Variants in SLC25A28 observed in about 807,000 individuals in gnomAD.
SLC25A28 encodes the protein solute carrier family 25 member 28, also known as mitoferrin-2.
A neutral mutation model predicts 31.9 loss-of-function variants in SLC25A28; 10 were observed. The ratio of observed to expected loss-of-function variants is 0.31; its 90% CI spans 0.19 to 0.53. The LOEUF (loss-of-function observed/expected upper bound fraction) is 0.53, where lower values mean the gene tolerates loss of function less well. Among genes scored for constraint, SLC25A28 ranks in the 20% least tolerant of loss-of-function variants. The probability of loss-of-function intolerance (pLI) is 0.95; values close to 1 mark genes in which losing one functional copy is unlikely to be tolerated. For missense variants in SLC25A28, 256 were observed against 490.3 expected (o/e 0.52, Z 4.51); for synonymous variants, 208 against 203.6 (o/e 1.02, Z -0.19).
At chr10:99,616,446 C>G (rs1444869558) in intron 1 of SLC25A28, 1 of 977,348 alleles carries the variant, frequency 1.0e-6, no homozygotes. Flanking sequence ...TTATTGTATT[C>G]AAAATGATTC....
chr10:99,629,610 A>G, the SLC25A28 span, among the ~76,000 whole-genome samples: 1 of 152,280 alleles, frequency 6.6e-6, no homozygotes, highest in African/African-American at 2.4e-5. Flanking sequence ...AAGAACTGAT[A>G]CATGCTATAA....
intron 1 of SLC25A28, chr10:99,618,711 A>G: frequency 1.0e-6 from 1 of 985,376 alleles, no homozygotes; most frequent in Non-Finnish European, 1.2e-6. Flanking sequence ...CCTTGTTAGG[A>G]GTTACCTTGT....
chr10:99,630,061 CTTCTTTCCT>C, the SLC25A28 span, among the ~76,000 whole-genome samples: 5 of 152,122 alleles, frequency 3.3e-5, no homozygotes, highest in Non-Finnish European at 5.9e-5. Context: ...GTTTCTTCCA[CTTCTTTCCT>C]TTCTTTCCTT....
At chr10:99,636,935 T>A in the SLC25A28 span, among the ~76,000 whole-genome samples, 1 of 152,296 alleles carries the variant, frequency 6.6e-6, no homozygotes, top group Non-Finnish European at 1.5e-5. Flanking sequence ...CCCTAATTCA[T>A]TCTATGAAGC....
chr10:99,619,689 C>A (rs1828371834), intron 1 of SLC25A28, among the ~76,000 whole-genome samples: 1 of 152,240 alleles, frequency 6.6e-6, no homozygotes, highest in Non-Finnish European at 1.5e-5. Context: ...CTGGTTCACG[C>A]CAGTTGGCTT....
chr10:99,655,117 A>G, the SLC25A28 span, among the ~76,000 whole-genome samples: 2 of 152,228 alleles, frequency 1.3e-5, no homozygotes, highest in Non-Finnish European at 2.9e-5. Flanking sequence ...GACTGACAAA[A>G]TTTTACAAAG....
chr10:99,626,633 C>T, the SLC25A28 span, among the ~76,000 whole-genome samples: 1 of 152,180 alleles, frequency 6.6e-6, no homozygotes, highest in Non-Finnish European at 1.5e-5. Context: ...CTTGTGCTGG[C>T]AAAGCCTTCA....
the SLC25A28 span, among the ~76,000 whole-genome samples, chr10:99,646,975 G>C: frequency 6.6e-6 from 1 of 152,196 alleles, no homozygotes; most frequent in Non-Finnish European, 1.5e-5. Context: ...AGTTCCACCA[G>C]TGTTGCTGGG....
At chr10:99,646,842 A>G in the SLC25A28 span, among the ~76,000 whole-genome samples, 1 of 152,334 alleles carries the variant, frequency 6.6e-6, no homozygotes, top group South Asian at 2.1e-4. Flanking sequence ...CACCTTCTGT[A>G]GTCTCCAGTG....
At position 99,613,688 on chromosome 10, in the gene SLC25A28, C is replaced by T. The variant is rs1419422658; in HGVS notation, c.520+8G>A. 1.4e-5 allele frequency: 22 copies of T among 1,614,110 alleles called. No individual in the cohort carries two copies. In the African/African-American group the frequency reaches 2.8e-4, roughly 21 times the overall value. ...AAGTGGGGGAACCAGCACAGGAAGG[C>T]TCAATACCATTGGCAATATGGCTAT... On this transcript the variant is annotated splice_region_variant and intron_variant, in intron 2 of 3. Transcript: ENST00000370495. This position sits in a 1 kb window ranked among gnomAD's most constrained non-coding sequence, Gnocchi z 4.9.
the SLC25A28 span, among the ~76,000 whole-genome samples, chr10:99,636,275 TC>T: frequency 2.6e-5 from 4 of 152,252 alleles, no homozygotes; most frequent in East Asian, 7.7e-4. Flanking sequence ...TCAATCACTC[TC>T]TCAGATTACA....
At chr10:99,658,128 A>G in the SLC25A28 span, among the ~76,000 whole-genome samples, 1 of 152,190 alleles carries the variant, frequency 6.6e-6, no homozygotes, top group African/African-American at 2.4e-5. Flanking sequence ...TCGAGGCTGC[A>G]GTGAACCACG....
the SLC25A28 span, among the ~76,000 whole-genome samples, chr10:99,630,893 T>C: frequency 6.6e-6 from 1 of 152,064 alleles, no homozygotes; most frequent in Admixed American, 6.5e-5. Flanking sequence ...GCCTAGGGGG[T>C]TATGTCGCAC....
intron 1 of SLC25A28, chr10:99,618,871 C>T: frequency 1.0e-6 from 1 of 985,368 alleles, no homozygotes; most frequent in South Asian, 4.7e-5. Context: ...CAAGTTGATT[C>T]TCTCCTCCTT....
chr10:99,616,806 A>G (rs2034667246), intron 1 of SLC25A28: 1 of 944,978 alleles, frequency 1.1e-6, no homozygotes, highest in African/African-American at 1.8e-5. Flanking sequence ...GACAAGTTAT[A>G]TAACTTCCCT....
the SLC25A28 span, among the ~76,000 whole-genome samples, chr10:99,639,722 T>TACACACACACACACAC: frequency 3.1e-4 from 40 of 131,122 alleles, no homozygotes; most frequent in Admixed American, 1.2e-3. Flanking sequence ...GCACCATGGG[T>TACACACACACACACAC]ACACACACAC....
chr10:99,625,139 C>T (rs536122385), upstream of SLC25A28, among the ~76,000 whole-genome samples: 3 of 151,694 alleles, frequency 2.0e-5, no homozygotes, highest in Non-Finnish European at 4.4e-5. Context: ...TGATTGAAGC[C>T]GCAGACCTTT....
At position 99,611,199 on chromosome 10, in the gene SLC25A28, G is replaced by A. The variant is rs370456920; in HGVS notation, c.745C>T (p.Leu249=). Residue 249 remains leucine, a synonymous_variant, in exon 4 of 4, where the codon CTG becomes TTG. Coordinates refer to ENST00000370495, the MANE Select transcript of SLC25A28 (RefSeq NM_031212.4). The surrounding 1 kb of genome is among the most constrained non-coding windows in gnomAD (Gnocchi z 5.5). ...QAIHFMTYEF[L]QEHFNPQRRY... is the part of the protein sequence containing the mutation. The stretch of plus-strand genomic sequence containing the variant: ...CTCTGGGGGTTAAAGTGCTCCTGCA[G>A]GAATTCATAGGTCATGAAGTGAATG... The A allele has an allele frequency of 8.1e-6, 13 of 1,614,054 alleles. No individual in the cohort carries two copies. The African/African-American group carries it at 1.3e-4, about 17-fold the overall frequency.
the SLC25A28 span, among the ~76,000 whole-genome samples, chr10:99,649,124 T>C: frequency 6.6e-6 from 1 of 152,190 alleles, no homozygotes; most frequent in Admixed American, 6.5e-5. Flanking sequence ...TTAAGGTATG[T>C]TTCTTCTATG....
Sources: gnomAD v4.1 joint callset for allele counts (sites outside exome capture counted in the v4.1 genomes callset) on GRCh38, gnomAD v4.1.1 for gene constraint, Gnocchi (gnomAD v3.1) non-coding constraint, MANE v1.5 for transcripts, NCBI Gene and HGNC (gene_info 2026-07-23, HGNC 2026-07-21) for gene names.